ZCWPW2: variants seen among roughly 807,000 people sequenced by gnomAD.
ZCWPW2 encodes zinc finger CW-type PWWP domain protein 2.
In ZCWPW2, 45 loss-of-function variants were observed where a neutral mutation model predicts 46.6. That is an observed-to-expected ratio of 0.96 (90% confidence interval 0.76 to 1.24). ZCWPW2 has a LOEUF of 1.24. ZCWPW2 is among the 50% of genes most tolerant of loss of function. ZCWPW2 has a pLI of 0.00. For missense variants in ZCWPW2, 429 were observed against 403.9 expected (o/e 1.06, Z -0.53); for synonymous variants, 152 against 137.1 (o/e 1.11, Z -0.76).
intron 1 of ZCWPW2, among the ~76,000 whole-genome samples, chr3:28,382,833 A>G (rs1053719132): frequency 1.3e-5 from 2 of 152,168 alleles, no homozygotes; most frequent in Admixed American, 1.3e-4. Context: ...ATTGTATGGT[A>G]AAACAAATGT....
At chr3:28,372,086 T>A (rs544873705) in intron 1 of ZCWPW2, among the ~76,000 whole-genome samples, 1 of 152,132 alleles carries the variant, frequency 6.6e-6, no homozygotes, top group Admixed American at 6.6e-5. Context: ...CATTTTTTGC[T>A]TGTAATAATA....
At chr3:28,350,426 G>GT (rs1221969458) in intron 1 of ZCWPW2, among the ~76,000 whole-genome samples, 1 of 152,178 alleles carries the variant, frequency 6.6e-6, no homozygotes. Flanking sequence ...GTATTTTGAA[G>GT]TTTATCTGGT....
At chr3:28,466,691 C>T (rs766716572) in intron 4 of ZCWPW2, among the ~76,000 whole-genome samples, 1 of 152,058 alleles carries the variant, frequency 6.6e-6, no homozygotes, top group East Asian at 1.9e-4. Context: ...CCCAGCTACT[C>T]GGAAGGCTCA....
Position 28,480,156 on chromosome 3 carries a change from C to T in ZCWPW2, c.610+1225C>T, listed in dbSNP as rs561239824. Among the ~76,000 whole-genome samples, 3 of 152,294 alleles carry T rather than the reference C, an allele frequency of 2.0e-5. No homozygotes were observed. The South Asian group carries it at 6.2e-4, about 32-fold the overall frequency. On this transcript the variant is annotated intron_variant, in intron 5 of 9. Coordinates refer to ENST00000383768, the MANE Select transcript of ZCWPW2 (RefSeq NM_001040432.4). ...TGAGCGATCACCACACTGTCTTACA[C>T]AATGGTTGAACTAATTTACACTCCT...
At chr3:28,358,798 A>G (rs1035131465) in intron 1 of ZCWPW2, among the ~76,000 whole-genome samples, 1 of 152,070 alleles carries the variant, frequency 6.6e-6, no homozygotes, top group Non-Finnish European at 1.5e-5. Flanking sequence ...TCTGAATATT[A>G]TGGTCAGAAG....
At position 28,412,644 on chromosome 3, in the gene ZCWPW2, A is replaced by C. The variant is rs143269145; in HGVS notation, c.-13-412A>C. Among the ~76,000 whole-genome samples, 377 of 152,106 alleles carry C rather than the reference A, an allele frequency of 2.5e-3. 1 individual carries two copies. Among genetic ancestry groups the C allele is most frequent in the African/African-American group, 8.3e-3 (344 of 41,538 alleles). Reference sequence around the variant, plus strand: ...AAATGAGCATAATAAGGTTGTTGGGAAGACTATATGAGCCATGTGTATAAA... The same window carrying C: ...AAATGAGCATAATAAGGTTGTTGGGCAGACTATATGAGCCATGTGTATAAA... On this transcript the variant is annotated intron_variant, in intron 2 of 9. Transcript: ENST00000383768.
intron 4 of ZCWPW2, among the ~76,000 whole-genome samples, chr3:28,473,715 A>G (rs193222924): frequency 6.6e-6 from 1 of 152,336 alleles, no homozygotes; most frequent in Non-Finnish European, 1.5e-5. Flanking sequence ...AAGGAGATCC[A>G]TTCATTTGCA....
intron 3 of ZCWPW2, among the ~76,000 whole-genome samples, chr3:28,426,647 A>T (rs1485271597): frequency 2.0e-5 from 3 of 152,140 alleles, no homozygotes; most frequent in Non-Finnish European, 4.4e-5. Flanking sequence ...TATACTAATA[A>T]TATGTGTATC....
At chr3:28,402,389 C>T (rs983276101) in intron 2 of ZCWPW2, among the ~76,000 whole-genome samples, 1 of 152,002 alleles carries the variant, frequency 6.6e-6, no homozygotes, top group African/African-American at 2.4e-5. Flanking sequence ...GAATTAGATA[C>T]CCCGAATAGA....
At chr3:28,463,029 A>G (rs1015499787) in intron 4 of ZCWPW2, among the ~76,000 whole-genome samples, 4 of 152,182 alleles carry the variant, frequency 2.6e-5, no homozygotes, top group African/African-American at 4.8e-5. Context: ...TTTCTCAGAC[A>G]TAGAGCATTA....
chr3:28,386,892 C>A (rs1695293274), intron 1 of ZCWPW2, among the ~76,000 whole-genome samples: 1 of 152,100 alleles, frequency 6.6e-6, no homozygotes, highest in Non-Finnish European at 1.5e-5. Flanking sequence ...GAGTTCTCTG[C>A]TTACTTTAGT....
intron 6 of ZCWPW2, among the ~76,000 whole-genome samples, chr3:28,503,100 A>C (rs1391855398): frequency 6.6e-6 from 1 of 152,160 alleles, no homozygotes; most frequent in Non-Finnish European, 1.5e-5. Context: ...ATGATACTTA[A>C]AATCTGGTGC....
At chr3:28,523,897 A>G (rs1700787021) in intron 9 of ZCWPW2, among the ~76,000 whole-genome samples, 1 of 152,146 alleles carries the variant, frequency 6.6e-6, no homozygotes, top group East Asian at 1.9e-4. Context: ...TAATTCACAA[A>G]TTGAATAATC....
chr3:28,349,834 C>T lies in ZCWPW2; in HGVS notation c.-134+631C>T, dbSNP rs150054729. On this transcript the variant is annotated intron_variant, in intron 1 of 9. Coordinates refer to ENST00000383768, the MANE Select transcript of ZCWPW2 (RefSeq NM_001040432.4). ...CTTAAAGTAGTATTTTGTCATCTGT[C>T]CGCTTAACTATCAGCCCAACTGTCA... Among the ~76,000 whole-genome samples the T allele has an allele frequency of 2.0e-3, 307 of 152,320 alleles. 2 individuals are homozygous for T. Among genetic ancestry groups the T allele is most frequent in the Non-Finnish European group, 3.6e-3 (243 of 68,026 alleles).
intron 1 of ZCWPW2, among the ~76,000 whole-genome samples, chr3:28,367,717 G>A (rs1409795976): frequency 3.3e-5 from 5 of 152,086 alleles, no homozygotes; most frequent in African/African-American, 7.2e-5. Context: ...TTTCTATCTC[G>A]TTGATCTGTC....
At chr3:28,376,393 T>C (rs1705500858) in intron 1 of ZCWPW2, among the ~76,000 whole-genome samples, 1 of 152,160 alleles carries the variant, frequency 6.6e-6, no homozygotes, top group Admixed American at 6.5e-5. Context: ...ATATTACCCA[T>C]ATCTTTACAG....
chr3:28,371,391 G>C (rs1316095779), intron 1 of ZCWPW2, among the ~76,000 whole-genome samples: 1 of 152,192 alleles, frequency 6.6e-6, no homozygotes. Context: ...TCAGTGGATA[G>C]AAAATTACTG....
intron 4 of ZCWPW2, among the ~76,000 whole-genome samples, chr3:28,454,684 T>A (rs374705846): frequency 2.0e-5 from 3 of 152,126 alleles, no homozygotes; most frequent in African/African-American, 7.2e-5. Flanking sequence ...TCTCTCCCCT[T>A]GTGTCTATTT....
intron 2 of ZCWPW2, among the ~76,000 whole-genome samples, chr3:28,400,387 C>T (rs1695871597): frequency 6.6e-6 from 1 of 152,158 alleles, no homozygotes. Context: ...TCAAGGAAAG[C>T]TTCTTCAGCC....
Sources: gnomAD v4.1 joint callset for allele counts (sites outside exome capture counted in the v4.1 genomes callset) on GRCh38, gnomAD v4.1.1 for gene constraint, MANE v1.5 for transcripts, NCBI Gene and HGNC (gene_info 2026-07-23, HGNC 2026-07-21) for gene names.